Variants in CLIP4 observed in about 807,000 individuals in gnomAD.
CLIP4 encodes CAP-Gly domain-containing linker protein 4.
Under a neutral mutation model 73.1 loss-of-function variants are expected in CLIP4, and 47 were observed. That is an observed-to-expected ratio of 0.64 (90% CI 0.51 to 0.82). The LOEUF is 0.82. CLIP4 is among the 40% of genes least tolerant of loss of function. The probability of loss-of-function intolerance (pLI) is 0.00; values close to 1 mark genes in which losing one functional copy is unlikely to be tolerated. For synonymous variants in CLIP4, 306 were observed against 295.4 expected (o/e 1.04, Z -0.37); for missense variants, 874 against 852.9 (o/e 1.02, Z -0.31).
At position 29,143,911 on chromosome 2, in the gene CLIP4, A is replaced by C; in HGVS notation, c.851A>C (p.Lys284Thr). The C allele has an allele frequency of 6.2e-7, 1 of 1,614,184 alleles. No homozygotes were observed. Among genetic ancestry groups the C allele is most frequent in the Non-Finnish European group, 8.5e-7 (1 of 1,180,008 alleles). Reference sequence around the variant, plus strand: ...GCAATGCTTACGTCACTTGGCCTGAAGTTGGGGGATCGTGTTGTTATTGCA... The same window carrying C: ...GCAATGCTTACGTCACTTGGCCTGACGTTGGGGGATCGTGTTGTTATTGCA... Reference protein sequence around the residue: ...GKAMLTSLGLKLGDRVVIAGQ... With the variant: ...GKAMLTSLGLTLGDRVVIAGQ... The change falls in exon 7 of 16, where the codon AAG (lysine) becomes ACG (threonine). Residue 284 changes from lysine to threonine, a missense_variant. Physicochemically the swap from Lys to Thr is moderately conservative, Grantham distance 78 (BLOSUM62 -1). Coordinates refer to ENST00000320081, the MANE Select transcript of CLIP4 (RefSeq NM_024692.6).
intron 1 of CLIP4, among the ~76,000 whole-genome samples, chr2:29,103,916 TA>T (rs1477728918): frequency 6.6e-6 from 1 of 151,766 alleles, no homozygotes; most frequent in Non-Finnish European, 1.5e-5. Flanking sequence ...AGGGTTTCAC[TA>T]TGTTGGCCAG....
intron 1 of CLIP4, among the ~76,000 whole-genome samples, chr2:29,105,426 A>T (rs1178581698): frequency 1.3e-5 from 2 of 152,234 alleles, no homozygotes; most frequent in African/African-American, 4.8e-5. Flanking sequence ...GACATGGGGC[A>T]CAAAGGTTAG....
chr2:29,134,702 T>A (rs917615058), intron 5 of CLIP4, among the ~76,000 whole-genome samples: 2 of 152,060 alleles, frequency 1.3e-5, no homozygotes, highest in Admixed American at 6.6e-5. Context: ...GAACCAGAGG[T>A]ATATTTAAAC....
At chr2:29,154,366 G>A (rs1666779978) in intron 9 of CLIP4, among the ~76,000 whole-genome samples, 1 of 152,096 alleles carries the variant, frequency 6.6e-6, no homozygotes, top group African/African-American at 2.4e-5. Context: ...TTCCCATCCA[G>A]TCCCCAGGCA....
chr2:29,167,473 T>C lies in CLIP4; in HGVS notation c.1659-3T>C, dbSNP rs769431936. 19 of 1,600,014 alleles carry C rather than the reference T, an allele frequency of 1.2e-5. No individual in the cohort carries two copies. The Admixed American group carries it at 2.6e-4, about 22-fold the overall frequency. On this transcript the variant is annotated splice_region_variant and splice_polypyrimidine_tract_variant and intron_variant, in intron 13 of 15. Coordinates refer to ENST00000320081, the MANE Select transcript of CLIP4 (RefSeq NM_024692.6). ...AACGAGATGTCCTTTGTTTTATTCA[T>C]AGAGTAACAGATTCCCTGGATACCC... is the stretch of plus-strand genomic sequence containing the variant.
chr2:29,125,472 A>C (rs112973041), intron 2 of CLIP4, among the ~76,000 whole-genome samples: 2,323 of 152,172 alleles, frequency 0.015, 46 homozygotes, highest in East Asian at 0.048. Context: ...GGCCGCCTCA[A>C]GTTCCCCAGA....
At chr2:29,160,292 T>G in intron 11 of CLIP4, 41 bp from the exon 12 acceptor site, 1 of 1,613,464 alleles carries the variant, frequency 6.2e-7, no homozygotes, top group African/African-American at 1.3e-5. Context: ...TTTTCTCCTC[T>G]TTTCCTGCCC....
chr2:29,143,808 A>C lies in CLIP4; in HGVS notation c.748A>C (p.Met250Leu), dbSNP rs769144399. Residue 250 changes from methionine to leucine, a missense_variant, in exon 7 of 16, where the codon ATG (methionine) becomes CTG (leucine). Physicochemically the swap from Met to Leu is conservative, Grantham distance 15. Transcript: ENST00000320081. ...AAATAKEIKQMLLDAVPLSCN... is the reference protein window; with the variant it reads ...AAATAKEIKQLLLDAVPLSCN... ...AGCCACTGCTAAGGAAATCAAGCAG[A>C]TGCTTCTAGATGCGGTGCCTCTGTC... 6.2e-7 allele frequency: 1 copy of C among 1,614,142 alleles called. No homozygotes were observed. The highest frequency in any genetic ancestry group is 1.3e-5 in the African/African-American group (1 of 75,052).
rs373900804 is a variant in CLIP4 at position 29,175,911 on chromosome 2, G to A, written c.1796+1466G>A. 7.0e-3 allele frequency among the ~76,000 whole-genome samples: 1,062 copies of A among 151,658 alleles called. 7 individuals carry two copies. Among genetic ancestry groups the A allele is most frequent in the Non-Finnish European group, 0.011 (744 of 67,850 alleles). ...CAAGCAGCTGGGACTACAGGCGCCCGCCACCACACCCGGCTAATTTTTTGT... is the reference window on the plus strand; with the variant it reads ...CAAGCAGCTGGGACTACAGGCGCCCACCACCACACCCGGCTAATTTTTTGT... On this transcript the variant is annotated intron_variant, in intron 15 of 15. Coordinates refer to ENST00000320081, the MANE Select transcript of CLIP4 (RefSeq NM_024692.6).
chr2:29,170,435 ATCT>A (rs1293877804), intron 14 of CLIP4, among the ~76,000 whole-genome samples: 1 of 152,216 alleles, frequency 6.6e-6, no homozygotes, highest in African/African-American at 2.4e-5. Context: ...GCCTGTTCAC[ATCT>A]TCTGCTCATT....
rs35715676 is a variant in CLIP4, at chr2:29,159,684, A to T, written c.1400-649A>T. ...CAACACAGCAAGACCCTGTTTCTTT[A>T]AAAAAAAAAAAAAAAAAAAAAAAGT... On this transcript the variant is annotated intron_variant, in intron 11 of 15. Coordinates refer to ENST00000320081, the MANE Select transcript of CLIP4 (RefSeq NM_024692.6). Among the ~76,000 whole-genome samples, 8 of 8,378 alleles carry T rather than the reference A, an allele frequency of 9.5e-4. No homozygotes were observed. In the East Asian group the frequency reaches 0.038, roughly 40 times the overall value. The allele number at this position is 8,378 out of a possible 152,430, so 5.5% of individuals were successfully genotyped here. A position where few individuals can be genotyped will look rare whatever the true frequency, so the allele number is the denominator to read the frequency against.
chr2:29,171,423 G>GTT (rs1248283102), intron 14 of CLIP4, among the ~76,000 whole-genome samples: 1 of 151,656 alleles, frequency 6.6e-6, no homozygotes, highest in Non-Finnish European at 1.5e-5. Context: ...TTTTGGTTAA[G>GTT]TATTTGCCGA....
chr2:29,167,619 G>A lies in CLIP4; in HGVS notation c.1723+79G>A, dbSNP rs1314190368. On this transcript the variant is annotated intron_variant, in intron 14 of 15. Coordinates refer to ENST00000320081, the MANE Select transcript of CLIP4 (RefSeq NM_024692.6). ...TGAAAAATTTTTATTATGAGGTATT[G>A]TATACAAAAGGGTCTATAAACTGTA... The A allele has an allele frequency of 5.0e-6, 5 of 1,006,754 alleles. No individual in the cohort carries two copies. The African/African-American group carries it at 6.6e-5, about 13-fold the overall frequency. 62.4% of individuals were successfully genotyped at this position (1,006,754 alleles called of 1,614,324 possible).
At chr2:29,118,026 C>T (rs555972220) in intron 1 of CLIP4, among the ~76,000 whole-genome samples, 14 of 152,126 alleles carry the variant, frequency 9.2e-5, no homozygotes, top group Non-Finnish European at 2.1e-4. Flanking sequence ...ATGTAGGTAG[C>T]AAATAAAAGG....
intron 10 of CLIP4, among the ~76,000 whole-genome samples, chr2:29,156,809 A>G (rs187510104): frequency 1.6e-3 from 241 of 152,296 alleles, no homozygotes; most frequent in African/African-American, 5.4e-3. Context: ...GTTTAACTCA[A>G]AATGTCTTAA....
chr2:29,137,468 C>T (rs928357917), intron 6 of CLIP4, among the ~76,000 whole-genome samples: 3 of 152,024 alleles, frequency 2.0e-5, no homozygotes, highest in African/African-American at 7.2e-5. Context: ...TATTATGAAT[C>T]GTGCTGTGAA....
At chr2:29,124,546 C>A (rs993037491) in intron 2 of CLIP4, among the ~76,000 whole-genome samples, 7 of 151,958 alleles carry the variant, frequency 4.6e-5, no homozygotes, top group African/African-American at 1.7e-4. Context: ...TCTGCTTCTC[C>A]CCGTTTTCAG....
intron 15 of CLIP4, among the ~76,000 whole-genome samples, chr2:29,176,545 A>C (rs1294950404): frequency 2.0e-5 from 3 of 152,126 alleles, no homozygotes; most frequent in Non-Finnish European, 4.4e-5. Context: ...GGTAGTGAGG[A>C]ATGCGTTTCA....
At chr2:29,131,452 A>AT (rs1558527968) in intron 3 of CLIP4, 55 bp downstream of exon 3, 12 of 1,521,488 alleles carry the variant, frequency 7.9e-6, no homozygotes, top group East Asian at 7.0e-5. Flanking sequence ...AATGGTATAG[A>AT]TTTTTTTCCC....
Sources: gnomAD v4.1 joint callset for allele counts (sites outside exome capture counted in the v4.1 genomes callset) on GRCh38, gnomAD v4.1.1 for gene constraint, MANE v1.5 for transcripts, NCBI Gene and HGNC (gene_info 2026-07-23, HGNC 2026-07-21) for gene names.